The following AKAP7 variants were observed in gnomAD, a reference collection of about 807,000 sequenced individuals.
The protein encoded by AKAP7 is A-kinase anchoring protein 7.
AKAP7 carries 39 observed loss-of-function variants against 39.5 expected under a neutral mutation model. The ratio of observed to expected loss-of-function variants is 0.99; its 90% confidence interval spans 0.76 to 1.29. The LOEUF is 1.29. Ranked by LOEUF, AKAP7 falls within the 50% of genes most tolerant of loss-of-function variation. The pLI is 0.00. For synonymous variants in AKAP7, 140 were observed against 139.1 expected (o/e 1.01, Z -0.05); for missense variants, 414 against 407.7 (o/e 1.02, Z -0.13).
chr6:131,146,376 G>A (rs1369332545), intron 2 of AKAP7, among the ~76,000 whole-genome samples: 2 of 152,174 alleles, frequency 1.3e-5, no homozygotes, highest in Non-Finnish European at 2.9e-5. Flanking sequence ...GGGAGGCTGA[G>A]ACGGGAGGAT....
chr6:131,157,933 C>T (rs1456446155), intron 2 of AKAP7, among the ~76,000 whole-genome samples: 2 of 152,168 alleles, frequency 1.3e-5, no homozygotes, highest in African/African-American at 4.8e-5. Flanking sequence ...CCGAGGCCAC[C>T]TTGCTCTTAG....
At chr6:131,153,276 C>G (rs1802108836) in intron 2 of AKAP7, among the ~76,000 whole-genome samples, 1 of 152,014 alleles carries the variant, frequency 6.6e-6, no homozygotes, top group African/African-American at 2.4e-5. Context: ...CCTTTTTTCC[C>G]CATCTGTCAT....
At chr6:131,135,846 C>T (rs1351991041) in intron 1 of AKAP7, 64 bp downstream of exon 1, 2 of 1,223,262 alleles carry the variant, frequency 1.6e-6, no homozygotes, top group Non-Finnish European at 2.0e-6. Context: ...CCTGGGCCTG[C>T]TCTGCGCTCG....
At chr6:131,280,799 C>G (rs1002612731) in intron 7 of AKAP7, among the ~76,000 whole-genome samples, 6 of 152,076 alleles carry the variant, frequency 3.9e-5, no homozygotes, top group South Asian at 2.1e-4. Context: ...TAGTTGGGAA[C>G]CAGCTCTTTT....
chr6:131,281,559 G>A lies in AKAP7; in HGVS notation c.880G>A (p.Ala294Thr), dbSNP rs540139839. 1.9e-5 allele frequency: 30 copies of A among 1,611,386 alleles called. 1 individual carries two copies. The highest frequency in any genetic ancestry group is 6.6e-5 in the South Asian group (6 of 90,694). The change falls in exon 8 of 8, where the codon GCT becomes ACT. Residue 294 changes from alanine to threonine, a missense_variant. By Grantham distance (58) the Ala-to-Thr change is moderately conservative (BLOSUM62 0). Coordinates refer to ENST00000431975, the MANE Select transcript of AKAP7 (RefSeq NM_016377.4). This position sits in a 1 kb window ranked among gnomAD's most constrained non-coding sequence, Gnocchi z 4.0. Reference protein sequence around the residue: ...GEKNGGEPDDAELVRLSKRLV... With the variant: ...GEKNGGEPDDTELVRLSKRLV... ...AAAGAACGGAGGGGAGCCCGATGAC[G>A]CTGAACTAGTAAGGCTCAGTAAGAG... is the stretch of plus-strand genomic sequence containing the variant.
At chr6:131,233,862 A>T (rs1201827978) in intron 7 of AKAP7, among the ~76,000 whole-genome samples, 2 of 152,148 alleles carry the variant, frequency 1.3e-5, no homozygotes, top group African/African-American at 4.8e-5. Context: ...TTTTGCATTA[A>T]ATTGTATTTT....
intron 6 of AKAP7, among the ~76,000 whole-genome samples, chr6:131,210,027 T>A (rs1011747446): frequency 6.6e-6 from 1 of 152,220 alleles, no homozygotes; most frequent in Non-Finnish European, 1.5e-5. Context: ...TTTCTGTCAC[T>A]GGAAAGATTG....
At chr6:131,178,683 A>C (rs1275563018) in intron 5 of AKAP7, among the ~76,000 whole-genome samples, 1 of 152,080 alleles carries the variant, frequency 6.6e-6, no homozygotes, top group Non-Finnish European at 1.5e-5. Flanking sequence ...CTTAAAGTAG[A>C]CAAGGCCTCA....
chr6:131,160,168 T>C lies in AKAP7; in HGVS notation c.261T>C (p.Tyr87=). The C allele has an allele frequency of 6.2e-7, 1 of 1,611,592 alleles. No homozygotes were observed. Among genetic ancestry groups the C allele is most frequent in the Non-Finnish European group, 8.5e-7 (1 of 1,179,400 alleles). The part of the protein sequence containing the change: ...KKKRKDYQPN[Y]FLSIPITNKE... ...AGAGAAAAGATTATCAACCCAACTA[T>C]TTCCTGTCCATTCCAATCACCAACA... Residue 87 remains tyrosine, a synonymous_variant, in exon 3 of 8, where the codon TAT becomes TAC. Transcript: ENST00000431975.
At chr6:131,151,363 A>G (rs1297111954) in intron 2 of AKAP7, among the ~76,000 whole-genome samples, 1 of 149,704 alleles carries the variant, frequency 6.7e-6, no homozygotes, top group Non-Finnish European at 1.5e-5. Flanking sequence ...ATAGAAACTT[A>G]AAGAGGGAGA....
intron 5 of AKAP7, among the ~76,000 whole-genome samples, chr6:131,178,863 T>A (rs956507091): frequency 2.6e-5 from 4 of 152,216 alleles, no homozygotes; most frequent in African/African-American, 9.7e-5. Context: ...CTCCATGTTC[T>A]GGTCCACTGC....
chr6:131,208,217 A>C (rs1261348065), intron 6 of AKAP7, among the ~76,000 whole-genome samples: 2 of 152,192 alleles, frequency 1.3e-5, no homozygotes, highest in Admixed American at 1.3e-4. Flanking sequence ...GTATTTTTCA[A>C]CTTTATGCTG....
intron 7 of AKAP7, among the ~76,000 whole-genome samples, chr6:131,258,664 A>G (rs1410290287): frequency 6.6e-6 from 1 of 152,250 alleles, no homozygotes; most frequent in East Asian, 1.9e-4. Context: ...ATAGTCATAG[A>G]CAAAAGCGGA....
At position 131,135,566 on chromosome 6, in the gene AKAP7, C is replaced by T. The variant is rs1431822937; in HGVS notation, c.-198C>T. ...GCCGCGGGGGCTGCGGCTTGGGAAG[C>T]TCCGCGCTTCCGCAGGCCTGGCCTC... On this transcript the variant is annotated 5_prime_UTR_variant, in exon 1 of 8. Coordinates refer to ENST00000431975, the MANE Select transcript of AKAP7 (RefSeq NM_016377.4). 7.5e-6 allele frequency: 2 copies of T among 266,838 alleles called. No homozygotes were observed. The highest frequency in any genetic ancestry group is 5.8e-6 in the Non-Finnish European group (1 of 172,236). 16.5% of individuals were successfully genotyped at this position (266,838 alleles called of 1,614,324 possible).
intron 2 of AKAP7, among the ~76,000 whole-genome samples, chr6:131,155,052 C>T (rs542878014): frequency 1.3e-5 from 2 of 151,768 alleles, no homozygotes; most frequent in East Asian, 1.9e-4. Context: ...GACAGGGCCT[C>T]ACCCTGTCAT....
intron 5 of AKAP7, among the ~76,000 whole-genome samples, chr6:131,186,621 A>G (rs1190045955): frequency 6.6e-6 from 1 of 152,204 alleles, no homozygotes; most frequent in Non-Finnish European, 1.5e-5. Context: ...TCAGGTCACC[A>G]GAAGATTTAG....
In AKAP7 at chr6:131,135,644, C is replaced by G; in HGVS notation, c.-120C>G. 2 of 897,664 alleles carry G rather than the reference C, an allele frequency of 2.2e-6. No individual in the cohort carries two copies. Among genetic ancestry groups the G allele is most frequent in the Non-Finnish European group, 2.7e-6 (2 of 743,254 alleles). The allele number at this position is 897,664 out of a possible 1,614,324, so 55.6% of individuals were successfully genotyped here. A position where few individuals can be genotyped will look rare whatever the true frequency, so the allele number is the denominator to read the frequency against. The stretch of plus-strand genomic sequence containing the variant: ...CTGGACCCCGCGCCGGCCCAGCGCA[C>G]CGCCCTCAGGCCCCGAGCCCCGCCC... On this transcript the variant is annotated 5_prime_UTR_variant, in exon 1 of 8. Coordinates refer to ENST00000431975, the MANE Select transcript of AKAP7 (RefSeq NM_016377.4).
At chr6:131,276,152 C>A (rs1814722202) in intron 7 of AKAP7, among the ~76,000 whole-genome samples, 1 of 152,208 alleles carries the variant, frequency 6.6e-6, no homozygotes, top group African/African-American at 2.4e-5. Flanking sequence ...TTCTGTGCTA[C>A]TGAATCTAGA....
At chr6:131,272,310 A>G (rs1814350845) in intron 7 of AKAP7, among the ~76,000 whole-genome samples, 1 of 151,862 alleles carries the variant, frequency 6.6e-6, no homozygotes, top group African/African-American at 2.4e-5. Flanking sequence ...ATTTTTTTTC[A>G]AGGGATTAGC....
Sources: allele counts gnomAD v4.1 joint callset (sites outside exome capture counted in the v4.1 genomes callset), GRCh38; gene constraint gnomAD v4.1.1; non-coding constraint Gnocchi (gnomAD v3.1); transcripts MANE v1.5; gene names NCBI Gene and HGNC (gene_info 2026-07-23, HGNC 2026-07-21).